GSE1: variants seen among roughly 807,000 people sequenced by gnomAD.
GSE1 encodes the protein genetic suppressor element 1.
In GSE1, 32 loss-of-function variants were observed where a neutral mutation model predicts 112.6. That is an observed-to-expected ratio of 0.28 (90% CI 0.21 to 0.38). The LOEUF (loss-of-function observed/expected upper bound fraction) is 0.38. Among genes scored for constraint, GSE1 ranks in the 10% least tolerant of loss-of-function variants. The pLI, the probability that GSE1 is intolerant of heterozygous loss-of-function variation, is 1.00. For missense variants in GSE1, 2,348 were observed against 1,699.2 expected (o/e 1.38, Z -6.71); for synonymous variants, 1,115 against 735.6 (o/e 1.52, Z -8.35).
chr16:85,195,403 G>A (rs2074907923), intron 1 of GSE1, among the ~76,000 whole-genome samples: 1 of 152,190 alleles, frequency 6.6e-6, no homozygotes, highest in Non-Finnish European at 1.5e-5. Context: ...GACAGGGGTG[G>A]CAGCTGTCAA....
intron 2 of GSE1, 89 bp downstream of exon 2, chr16:85,634,221 G>A (rs1232325931): frequency 2.2e-6 from 2 of 915,006 alleles, no homozygotes; most frequent in African/African-American, 1.8e-5. Flanking sequence ...CACGCTCACA[G>A]CAGGTCTCGT....
At chr16:85,173,487 G>A (rs994876396) in intron 1 of GSE1, among the ~76,000 whole-genome samples, 8 of 152,150 alleles carry the variant, frequency 5.3e-5, no homozygotes, top group East Asian at 3.8e-4. Context: ...TGGGACCCTC[G>A]TGTCCTCCAC....
intron 2 of GSE1, among the ~76,000 whole-genome samples, chr16:85,402,731 G>A (rs1330341748): frequency 1.3e-5 from 2 of 152,050 alleles, no homozygotes; most frequent in Non-Finnish European, 2.9e-5. Flanking sequence ...AGACCAGCCT[G>A]GACAACATAG....
chr16:85,230,910 G>C (rs558085587), intron 1 of GSE1, among the ~76,000 whole-genome samples: 1 of 151,600 alleles, frequency 6.6e-6, no homozygotes, highest in Admixed American at 6.6e-5. Context: ...TGGATAGAAT[G>C]GAATGGATGG....
At chr16:85,445,252 A>G (rs953721205) in intron 2 of GSE1, among the ~76,000 whole-genome samples, 1 of 152,218 alleles carries the variant, frequency 6.6e-6, no homozygotes. Flanking sequence ...TGCGGTAATT[A>G]GAGGCTGACA....
intron 1 of GSE1, among the ~76,000 whole-genome samples, chr16:85,212,454 G>T (rs570849840): frequency 6.6e-6 from 1 of 152,128 alleles, no homozygotes; most frequent in Non-Finnish European, 1.5e-5. Context: ...GGTTTGGGTA[G>T]AGTGAGCCCT....
At chr16:85,479,573 G>A (rs936452028) in intron 2 of GSE1, among the ~76,000 whole-genome samples, 16 of 152,120 alleles carry the variant, frequency 1.1e-4, no homozygotes, top group African/African-American at 3.9e-4. Flanking sequence ...CAAAGTGCTG[G>A]GATTACAGGT....
chr16:85,622,569 G>A (rs575261771), intron 1 of GSE1, among the ~76,000 whole-genome samples: 11 of 152,342 alleles, frequency 7.2e-5, no homozygotes, highest in African/African-American at 2.4e-4. Flanking sequence ...AAAACTGTAT[G>A]TAACATGCAG....
At chr16:85,388,821 AGTG>A (rs2047766933) in intron 2 of GSE1, among the ~76,000 whole-genome samples, 1 of 152,168 alleles carries the variant, frequency 6.6e-6, no homozygotes. Context: ...CTGGTGAAGA[AGTG>A]GGGCAGCTGG....
intron 2 of GSE1, among the ~76,000 whole-genome samples, chr16:85,643,024 G>A (rs35385995): frequency 2.0e-5 from 3 of 152,070 alleles, no homozygotes; most frequent in East Asian, 1.9e-4. Flanking sequence ...TTTGCCTGGC[G>A]GGGTGGGCCT....
chr16:85,555,422 G>A (rs917846402), upstream of GSE1: 24 of 982,274 alleles, frequency 2.4e-5, no homozygotes, highest in African/African-American at 3.5e-5. Flanking sequence ...GGTGGCGAGA[G>A]GGGGAGGGGA....
At chr16:85,652,311 C>T (rs947834203) in intron 3 of GSE1, among the ~76,000 whole-genome samples, 1 of 152,254 alleles carries the variant, frequency 6.6e-6, no homozygotes, top group Non-Finnish European at 1.5e-5. Flanking sequence ...GCCACTCCCC[C>T]ACTACCCCGG....
intron 2 of GSE1, among the ~76,000 whole-genome samples, chr16:85,428,473 G>T (rs2049042840): frequency 6.6e-6 from 1 of 152,248 alleles, no homozygotes; most frequent in South Asian, 2.1e-4. Context: ...CTGTAAAATG[G>T]GGCGATAATC....
At chr16:85,208,047 A>G (rs1158544416) in intron 1 of GSE1, among the ~76,000 whole-genome samples, 1 of 151,994 alleles carries the variant, frequency 6.6e-6, no homozygotes, top group Admixed American at 6.5e-5. Context: ...GGTGCCCAGG[A>G]CCATGGGGAT....
intron 2 of GSE1, among the ~76,000 whole-genome samples, chr16:85,454,712 T>C (rs1333545375): frequency 1.3e-5 from 2 of 152,198 alleles, no homozygotes; most frequent in Non-Finnish European, 2.9e-5. Context: ...CCGGCCATGC[T>C]TGGCAAGGAG....
chr16:85,194,076 GT>G (rs1387468876), intron 1 of GSE1, among the ~76,000 whole-genome samples: 1 of 152,212 alleles, frequency 6.6e-6, no homozygotes, highest in Non-Finnish European at 1.5e-5. Flanking sequence ...CATGCGGCCA[GT>G]ATGTGGCAGA....
chr16:85,191,359 T>A (rs1457590803), intron 1 of GSE1, among the ~76,000 whole-genome samples: 1 of 152,212 alleles, frequency 6.6e-6, no homozygotes, highest in Non-Finnish European at 1.5e-5. Context: ...ATTCAATGTT[T>A]TTAGTATATT....
chr16:85,443,181 C>T (rs1003483693), intron 2 of GSE1, among the ~76,000 whole-genome samples: 1 of 152,332 alleles, frequency 6.6e-6, no homozygotes, highest in Admixed American at 6.5e-5. Flanking sequence ...CCGGCCAGCC[C>T]GGTGCAGCCC....
chr16:85,630,293 G>C (rs780825831), intron 1 of GSE1, among the ~76,000 whole-genome samples: 1 of 152,186 alleles, frequency 6.6e-6, no homozygotes, highest in Non-Finnish European at 1.5e-5. Context: ...GCCCACGCTT[G>C]GGGAAGGGAA....
Sources: gnomAD v4.1 joint callset for allele counts (sites outside exome capture counted in the v4.1 genomes callset) on GRCh38, gnomAD v4.1.1 for gene constraint, MANE v1.5 for transcripts, NCBI Gene and HGNC (gene_info 2026-07-23, HGNC 2026-07-21) for gene names.